Variants in TAS1R2 observed in about 807,000 individuals in gnomAD.
TAS1R2 encodes taste receptor type 1 member 2.
TAS1R2 carries 47 observed loss-of-function variants against 49.3 expected under a neutral mutation model. The observed-to-expected ratio is 0.95, with a 90% CI of 0.75 to 1.22. The LOEUF is 1.22. TAS1R2 is among the 50% of genes most tolerant of loss of function. The probability of loss-of-function intolerance (pLI) is 0.00; values close to 1 mark genes in which losing one functional copy is unlikely to be tolerated. For missense variants in TAS1R2, 1,155 were observed against 1,122.1 expected, an observed-to-expected ratio of 1.03 and a Z score of -0.42; for synonymous variants, 479 against 467.9, an observed-to-expected ratio of 1.02 and a Z score of -0.31.
rs189879562 is a variant in TAS1R2, at chr1:18,844,732, C to T, written c.1468-2880G>A. 2.5e-4 allele frequency among the ~76,000 whole-genome samples: 38 copies of T among 150,314 alleles called. No homozygotes were observed. In the East Asian group the frequency reaches 2.9e-3, roughly 12 times the overall value. On this transcript the variant is annotated intron_variant, in intron 4 of 5. Transcript: ENST00000375371. Reference sequence around the variant, plus strand: ...TTGTGCCACTGCACTCCAGCCTGGGCGACAGAGCGAGACTGTCTCAGAAAA... The same window carrying T: ...TTGTGCCACTGCACTCCAGCCTGGGTGACAGAGCGAGACTGTCTCAGAAAA...
At chr1:18,857,559 G>C (rs1934159500) in exon 2 of TAS1R2, 1 of 1,614,076 alleles carries the variant, frequency 6.2e-7, no homozygotes, top group South Asian at 1.1e-5. Context: ...GCAGGCTGCT[G>C]TCATTGTTGA....
At position 18,854,897 on chromosome 1, in the gene TAS1R2, G is replaced by A. The variant is rs766449123; in HGVS notation, c.573C>T (p.Ile191=). Residue 191 remains isoleucine, a synonymous_variant, in exon 3 of 6, where the codon ATC becomes ATT. Transcript: ENST00000375371. The surrounding 1 kb of genome is among the most constrained non-coding windows in gnomAD (Gnocchi z 4.9). ...GCAGCATCAGCTGCACCATGGCCTCGATGTGGTGGTCGGCGCTGGGTGTGG... is the reference window on the plus strand; with the variant it reads ...GCAGCATCAGCTGCACCATGGCCTCAATGTGGTGGTCGGCGCTGGGTGTGG... 17 of 1,613,160 alleles carry A rather than the reference G, an allele frequency of 1.1e-5. No homozygotes were observed. The highest frequency in any genetic ancestry group is 1.6e-4 in the Middle Eastern group (1 of 6,082).
At chr1:18,853,143 C>A (rs1422683381) in intron 3 of TAS1R2, among the ~76,000 whole-genome samples, 1 of 152,170 alleles carries the variant, frequency 6.6e-6, no homozygotes, top group Non-Finnish European at 1.5e-5. Flanking sequence ...TACCACTGAG[C>A]GATCACGGGC....
chr1:18,847,450 A>G (rs1328597115), intron 4 of TAS1R2, among the ~76,000 whole-genome samples: 1 of 152,212 alleles, frequency 6.6e-6, no homozygotes, highest in Non-Finnish European at 1.5e-5. Context: ...TTACTCCACA[A>G]AAATCCCCAA....
chr1:18,859,043 C>G (rs561117883), intron 1 of TAS1R2, among the ~76,000 whole-genome samples: 2 of 152,142 alleles, frequency 1.3e-5, no homozygotes, highest in Admixed American at 6.5e-5. Flanking sequence ...ACTTCCCTCT[C>G]GGCCCAAAAG....
Position 18,854,766 on chromosome 1 carries a change from G to A in TAS1R2, c.704C>T (p.Ala235Val). 1.2e-6 allele frequency: 2 copies of A among 1,609,714 alleles called. No homozygotes were observed. The highest frequency in any genetic ancestry group is 1.1e-5 in the South Asian group (1 of 90,898). ...CAGTGTGGGCAGCGTCTCCTGGAAG[G>A]CGATGCAGATGTCGCGCCGGGCCAC... is the stretch of plus-strand genomic sequence containing the variant. The change falls in exon 3 of 6, where the codon GCC becomes GTC. Residue 235 changes from alanine (A) to valine (V), a missense_variant. Coordinates refer to ENST00000375371, the Ensembl canonical transcript of TAS1R2. The surrounding 1 kb of genome is among the most constrained non-coding windows in gnomAD (Gnocchi z 4.9).
chr1:18,858,424 CCAA>C (rs1293076839), intron 1 of TAS1R2: 1 of 152,516 alleles, frequency 6.6e-6, no homozygotes, highest in Admixed American at 6.5e-5. Flanking sequence ...ATCATCACCA[CCAA>C]CACCATCATC....
chr1:18,858,919 A>T (rs976544113), intron 1 of TAS1R2, among the ~76,000 whole-genome samples: 1 of 152,084 alleles, frequency 6.6e-6, no homozygotes, highest in African/African-American at 2.4e-5. Flanking sequence ...ACTCTTTTTT[A>T]GTCCCAGGCT....
chr1:18,847,610 TC>T (rs1360858014), intron 4 of TAS1R2, among the ~76,000 whole-genome samples: 1 of 152,074 alleles, frequency 6.6e-6, no homozygotes, highest in Non-Finnish European at 1.5e-5. Flanking sequence ...CCTCCCCAAC[TC>T]CACAAGGCAG....
At chr1:18,849,762 C>G (rs1049911719) in intron 3 of TAS1R2, among the ~76,000 whole-genome samples, 3 of 152,224 alleles carry the variant, frequency 2.0e-5, no homozygotes. Context: ...GGCCTCAGCT[C>G]TGCCCCTTGC....
rs553210330 is a variant in TAS1R2, at chr1:18,854,746, T to C, written c.724A>G (p.Thr242Ala). 1.2e-6 allele frequency: 2 copies of C among 1,611,610 alleles called. No individual in the cohort carries two copies. The highest frequency in any genetic ancestry group is 2.2e-5 in the South Asian group (2 of 90,944). The change falls in exon 3 of 6, where the codon ACA becomes GCA. Residue 242 changes from threonine (T) to alanine (A), a missense_variant. Transcript: ENST00000375371. The surrounding 1 kb of genome is among the most constrained non-coding windows in gnomAD (Gnocchi z 4.9). ...GTCATGTTCTGGTTGGGCTGCAGTG[T>C]GGGCAGCGTCTCCTGGAAGGCGATG...
intron 3 of TAS1R2, 144 bp from the exon 4 acceptor site, chr1:18,849,694 G>A (rs977301659): frequency 1.1e-5 from 10 of 925,580 alleles, no homozygotes; most frequent in Non-Finnish European, 1.6e-5. Context: ...CGAAAGGGTG[G>A]CAATTTAGGA....
exon 1 of TAS1R2, chr1:18,859,657 C>A (rs143705863): frequency 6.2e-7 from 1 of 1,614,188 alleles, no homozygotes; most frequent in Admixed American, 1.7e-5. Context: ...GCCCTGGGCC[C>A]CATGGCTGGG....
intron 3 of TAS1R2, among the ~76,000 whole-genome samples, chr1:18,851,367 G>A (rs1050316485): frequency 2.2e-4 from 34 of 151,978 alleles, no homozygotes; most frequent in African/African-American, 7.7e-4. Context: ...TCACTCTGTC[G>A]CCCAGGCTGG....
intron 4 of TAS1R2, among the ~76,000 whole-genome samples, chr1:18,846,953 ATG>A (rs1016662409): frequency 6.6e-6 from 1 of 152,156 alleles, no homozygotes; most frequent in Non-Finnish European, 1.5e-5. Context: ...GGTCGTTTAA[ATG>A]TGTGTGATAT....
exon 6 of TAS1R2, chr1:18,840,048 C>A: frequency 1.2e-6 from 2 of 1,614,216 alleles, no homozygotes; most frequent in Non-Finnish European, 1.7e-6. Flanking sequence ...ACCACAATGA[C>A]CATTTTGAGT....
chr1:18,857,361 G>T, exon 2 of TAS1R2: 2 of 1,614,060 alleles, frequency 1.2e-6, no homozygotes, highest in Non-Finnish European at 1.7e-6. Context: ...AGAGGAAGTT[G>T]GCCACAGTCA....
At chr1:18,840,147 C>T (rs145202761) in exon 6 of TAS1R2, 44 of 1,614,026 alleles carry the variant, frequency 2.7e-5, no homozygotes, top group Middle Eastern at 1.6e-4. Context: ...ATCTTGAAGG[C>T]GCAGACGATC....
intron 4 of TAS1R2, among the ~76,000 whole-genome samples, chr1:18,846,186 G>T (rs903031402): frequency 6.6e-6 from 1 of 152,174 alleles, no homozygotes; most frequent in Non-Finnish European, 1.5e-5. Context: ...CTTGTATTCT[G>T]CCCTAAGGCT....
Sources: allele counts gnomAD v4.1 joint callset (sites outside exome capture counted in the v4.1 genomes callset), GRCh38; gene constraint gnomAD v4.1.1; non-coding constraint Gnocchi (gnomAD v3.1); transcripts MANE v1.5; gene names NCBI Gene and HGNC (gene_info 2026-07-23, HGNC 2026-07-21).